Variants in LOC122394732 observed in about 807,000 individuals in gnomAD.
At chr9:87,956,221 C>T in the LOC122394732 span, 1 of 398,510 alleles carries the variant, frequency 2.5e-6, no homozygotes, top group East Asian at 3.6e-5. Flanking sequence ...GGCAGCCTCA[C>T]TGTCCTGTCT....
the LOC122394732 span, chr9:87,956,743 C>G: frequency 6.1e-6 from 2 of 325,678 alleles, no homozygotes; most frequent in Non-Finnish European, 1.1e-5. Context: ...CCAGCTGATT[C>G]TATTTCTTTA....
the LOC122394732 span, chr9:87,956,280 C>T: frequency 6.3e-5 from 25 of 398,554 alleles, no homozygotes; most frequent in African/African-American, 2.3e-4. Flanking sequence ...GGCTTCGTAA[C>T]GAATAAGAGC....
At chr9:87,956,421 G>A in the LOC122394732 span, 1 of 398,652 alleles carries the variant, frequency 2.5e-6, no homozygotes, top group Non-Finnish European at 4.4e-6. Context: ...GAGATTGATA[G>A]AGAAAAAGCA....
the LOC122394732 span, chr9:87,956,623 A>G: frequency 1.3e-3 from 504 of 397,400 alleles, 3 homozygotes; most frequent in African/African-American, 9.6e-3. Context: ...CTACTGGGAC[A>G]AGCCAAAAAA....
the LOC122394732 span, chr9:87,956,775 A>C: frequency 3.7e-6 from 1 of 273,538 alleles, no homozygotes; most frequent in African/African-American, 2.2e-5. Flanking sequence ...GGTAATATGC[A>C]GTGCACGTGT....
At chr9:87,956,216 C>T in the LOC122394732 span, 1 of 398,418 alleles carries the variant, frequency 2.5e-6, no homozygotes, top group Non-Finnish European at 4.4e-6. Flanking sequence ...TTACAGGCAG[C>T]CTCACTGTCC....
the LOC122394732 span, chr9:87,956,269 G>A: frequency 2.5e-6 from 1 of 398,448 alleles, no homozygotes; most frequent in Non-Finnish European, 4.4e-6. Context: ...CAGGTGGCAT[G>A]GGCTTCGTAA....
chr9:87,956,309 T>C, the LOC122394732 span: 7 of 398,608 alleles, frequency 1.8e-5, no homozygotes, highest in Non-Finnish European at 3.1e-5. Flanking sequence ...AGCAGGAGAT[T>C]CCCTGTACCT....
At chr9:87,956,423 G>GA in the LOC122394732 span, 1 of 398,644 alleles carries the variant, frequency 2.5e-6, no homozygotes, top group Non-Finnish European at 4.4e-6. Context: ...GATTGATAGA[G>GA]AAAAAGCAGC....
the LOC122394732 span, chr9:87,956,590 A>T: frequency 2.5e-6 from 1 of 397,968 alleles, no homozygotes; most frequent in Non-Finnish European, 4.4e-6. Context: ...TCTCTCTGTG[A>T]CCCAAGAAAG....
At chr9:87,956,339 A>G in the LOC122394732 span, 1 of 398,650 alleles carries the variant, frequency 2.5e-6, no homozygotes. Flanking sequence ...CTTCGTGAAC[A>G]ACCTTGGAGA....
chr9:87,956,493 TGTG>T, the LOC122394732 span: 1 of 398,488 alleles, frequency 2.5e-6, no homozygotes, highest in Non-Finnish European at 4.4e-6. Context: ...CAAAAGCCAT[TGTG>T]GTGACTGATG....
chr9:87,956,561 A>T, the LOC122394732 span: 2 of 398,278 alleles, frequency 5.0e-6, no homozygotes, highest in Non-Finnish European at 8.8e-6. Context: ...GACAGAACAC[A>T]CCTGGGTCTC....
At chr9:87,956,473 C>T in the LOC122394732 span, 1 of 398,602 alleles carries the variant, frequency 2.5e-6, no homozygotes, top group East Asian at 3.6e-5. Flanking sequence ...AGACAACTGG[C>T]TATTTTCCTC....
the LOC122394732 span, chr9:87,956,399 A>G: frequency 5.0e-6 from 2 of 398,536 alleles, no homozygotes; most frequent in Middle Eastern, 6.2e-4. Context: ...GGCTTTAGAC[A>G]TCCAGATCAG....
chr9:87,956,696 C>T, the LOC122394732 span: 2 of 381,656 alleles, frequency 5.2e-6, no homozygotes, highest in East Asian at 3.7e-5. Flanking sequence ...TAAACAAAAC[C>T]TCCTACAAAA....
the LOC122394732 span, chr9:87,956,825 G>T: frequency 0.84 from 169,031 of 201,740 alleles, 72,701 homozygotes; most frequent in Non-Finnish European, 0.92. Context: ...GAATAAAGCT[G>T]AGCTATTTTA....
the LOC122394732 span, chr9:87,956,490 C>T: frequency 5.0e-6 from 2 of 398,530 alleles, no homozygotes; most frequent in Non-Finnish European, 4.4e-6. Context: ...CCTCAAAAGC[C>T]ATTGTGGTGA....
chr9:87,956,499 G>T, the LOC122394732 span: 1 of 398,588 alleles, frequency 2.5e-6, no homozygotes, highest in South Asian at 1.3e-4. Flanking sequence ...CCATTGTGGT[G>T]ACTGATGCTG....
Sources: allele counts gnomAD v4.1 joint callset, GRCh38; gene constraint gnomAD v4.1.1; transcripts MANE v1.5.